The following NEGR1 variants were observed in gnomAD, a reference collection of about 807,000 sequenced individuals.
NEGR1 encodes neuronal growth regulator 1.
A neutral mutation model predicts 40.9 loss-of-function variants in NEGR1; 10 were observed. The ratio of observed to expected loss-of-function variants is 0.24; its 90% CI spans 0.15 to 0.42. NEGR1 has a LOEUF of 0.42. Ranked by LOEUF, NEGR1 falls within the 10% of genes least tolerant of loss-of-function variation. The pLI is 1.00. For missense variants in NEGR1, 352 were observed against 438.9 expected (o/e 0.80, Z 1.77); for synonymous variants, 185 against 166.8 (o/e 1.11, Z -0.84).
At chr1:72,091,568 A>C (rs1011263459) in intron 1 of NEGR1, among the ~76,000 whole-genome samples, 1 of 152,038 alleles carries the variant, frequency 6.6e-6, no homozygotes, top group African/African-American at 2.4e-5. Flanking sequence ...TCCATAATAG[A>C]CAAGGCATGA....
chr1:72,130,502 A>C (rs1650203281), intron 1 of NEGR1, among the ~76,000 whole-genome samples: 1 of 152,122 alleles, frequency 6.6e-6, no homozygotes, highest in Non-Finnish European at 1.5e-5. Flanking sequence ...TTTCCCTAAT[A>C]AATGCTTTAA....
chr1:71,989,168 T>A (rs907286128), intron 1 of NEGR1, among the ~76,000 whole-genome samples: 1 of 152,150 alleles, frequency 6.6e-6, no homozygotes, highest in Non-Finnish European at 1.5e-5. Flanking sequence ...GCTGAAGACC[T>A]GTTTTGCCAT....
chr1:71,873,280 T>C (rs1660332785), intron 2 of NEGR1, among the ~76,000 whole-genome samples: 1 of 151,856 alleles, frequency 6.6e-6, no homozygotes, highest in African/African-American at 2.4e-5. Context: ...ATATATTAAA[T>C]ATATAAAGTC....
At chr1:71,989,065 A>G (rs1570583608) in intron 1 of NEGR1, among the ~76,000 whole-genome samples, 1 of 152,078 alleles carries the variant, frequency 6.6e-6, no homozygotes. Flanking sequence ...GTTTTTTTCC[A>G]CTGAGACTAC....
intron 1 of NEGR1, among the ~76,000 whole-genome samples, chr1:72,037,537 T>C (rs902205224): frequency 1.3e-5 from 2 of 152,162 alleles, no homozygotes; most frequent in Non-Finnish European, 2.9e-5. Context: ...TAGAAATTCT[T>C]TGGGAAGCAC....
intron 6 of NEGR1, among the ~76,000 whole-genome samples, chr1:71,417,096 C>T (rs1646360953): frequency 1.3e-5 from 2 of 152,148 alleles, no homozygotes; most frequent in South Asian, 4.1e-4. Flanking sequence ...TATTACCTAA[C>T]TCTGGTTGAA....
At chr1:72,106,736 C>T (rs1032064573) in intron 1 of NEGR1, among the ~76,000 whole-genome samples, 4 of 151,854 alleles carry the variant, frequency 2.6e-5, no homozygotes, top group African/African-American at 7.2e-5. Flanking sequence ...TGACCCAGAG[C>T]AATGGTAAAT....
chr1:71,568,737 A>T (rs1174453357), intron 6 of NEGR1, among the ~76,000 whole-genome samples: 3 of 152,014 alleles, frequency 2.0e-5, no homozygotes, highest in Non-Finnish European at 4.4e-5. Context: ...TAAATTATAT[A>T]TATGTGAGTA....
intron 1 of NEGR1, among the ~76,000 whole-genome samples, chr1:72,237,866 C>T (rs1028529018): frequency 3.3e-5 from 5 of 151,906 alleles, no homozygotes; most frequent in African/African-American, 4.8e-5. Context: ...ACAAATAATG[C>T]ATATGTACAA....
chr1:71,503,243 A>C (rs1287248115), intron 6 of NEGR1, among the ~76,000 whole-genome samples: 1 of 152,112 alleles, frequency 6.6e-6, no homozygotes, highest in East Asian at 1.9e-4. Context: ...CCAAGCTTTA[A>C]TTCTGTATGT....
At chr1:71,421,500 A>C (rs1421314405) in intron 6 of NEGR1, 1 of 152,088 alleles carries the variant, frequency 6.6e-6, no homozygotes. Flanking sequence ...TAAGTGTGTC[A>C]ATTGGTTTTC....
intron 2 of NEGR1, among the ~76,000 whole-genome samples, chr1:71,868,560 A>T (rs149213328): frequency 1.1e-4 from 17 of 152,276 alleles, no homozygotes; most frequent in African/African-American, 4.1e-4. Flanking sequence ...CACTTCCAGG[A>T]ACTTGCAAGC....
chr1:71,433,952 T>C (rs887959193), intron 6 of NEGR1, among the ~76,000 whole-genome samples: 13 of 152,208 alleles, frequency 8.5e-5, no homozygotes, highest in African/African-American at 3.1e-4. Context: ...ATAATTGAAG[T>C]CACGTTGAGG....
intron 2 of NEGR1, among the ~76,000 whole-genome samples, chr1:71,821,958 T>C (rs565867672): frequency 7.0e-4 from 107 of 152,046 alleles, no homozygotes; most frequent in African/African-American, 2.3e-3. Context: ...CCAGGTCACA[T>C]AGGAGGTCAG....
At chr1:72,200,073 G>A (rs1557575280) in intron 1 of NEGR1, among the ~76,000 whole-genome samples, 1 of 151,952 alleles carries the variant, frequency 6.6e-6, no homozygotes, top group East Asian at 1.9e-4. Flanking sequence ...TACAGTGCTG[G>A]TAGGAATGTA....
chr1:72,146,903 T>A (rs180781257), intron 1 of NEGR1, among the ~76,000 whole-genome samples: 2 of 152,254 alleles, frequency 1.3e-5, no homozygotes, highest in Non-Finnish European at 2.9e-5. Flanking sequence ...TATAGTGAAA[T>A]TTTGGGGAAG....
chr1:72,228,076 A>G lies in NEGR1; in HGVS notation c.176+54243T>C, dbSNP rs554170299. ...TGCACACAGAGAGATCTTTAAATAC[A>G]GGCTACTATTAGGAAAGCCTCCCGC... On this transcript the variant is annotated intron_variant, in intron 1 of 6. Transcript: ENST00000357731. Among the ~76,000 whole-genome samples, 15 of 152,240 alleles carry G rather than the reference A, an allele frequency of 9.9e-5. No homozygotes were observed. The East Asian group carries it at 2.9e-3, about 29-fold the overall frequency.
intron 1 of NEGR1, among the ~76,000 whole-genome samples, chr1:72,209,269 T>G (rs568657753): frequency 1.5e-3 from 234 of 151,832 alleles, no homozygotes; most frequent in Middle Eastern, 3.4e-3. Context: ...GAACCTGTAC[T>G]CAAAACCTGA....
intron 5 of NEGR1, among the ~76,000 whole-genome samples, chr1:71,599,740 T>C (rs889525440): frequency 1.3e-5 from 2 of 152,250 alleles, no homozygotes; most frequent in Admixed American, 1.3e-4. Context: ...ATGTCTTATT[T>C]ACTTTATCAA....
Sources: gnomAD v4.1 joint callset for allele counts (sites outside exome capture counted in the v4.1 genomes callset) on GRCh38, gnomAD v4.1.1 for gene constraint, MANE v1.5 for transcripts, NCBI Gene and HGNC (gene_info 2026-07-23, HGNC 2026-07-21) for gene names.